Variants in EDNRB observed in about 807,000 individuals in gnomAD.
EDNRB encodes the protein Hirschsprung disease 2.
EDNRB carries 18 observed loss-of-function variants against 46.4 expected under a neutral mutation model. The observed-to-expected ratio is 0.39, with a 90% confidence interval of 0.27 to 0.57. The LOEUF (loss-of-function observed/expected upper bound fraction) is 0.57. EDNRB is among the 20% of genes least tolerant of loss of function. The pLI is 0.61. For synonymous variants in EDNRB, 213 were observed against 204.9 expected, an observed-to-expected ratio of 1.04 and a Z score of -0.34; for missense variants, 434 against 537.5, an observed-to-expected ratio of 0.81 and a Z score of 1.90.
At chr13:77,932,066 GAAGA>G (rs1284358967) in intron 1 of EDNRB, among the ~76,000 whole-genome samples, 1 of 148,212 alleles carries the variant, frequency 6.7e-6, no homozygotes, top group African/African-American at 2.5e-5. Context: ...AAAAAAAAGT[GAAGA>G]AAGAGCCAGT....
Position 77,897,208 on chromosome 13 carries a change from A to G in EDNRB, c.*992T>C. 1.0e-6 allele frequency: 1 copy of G among 985,386 alleles called. No individual in the cohort carries two copies. The highest frequency in any genetic ancestry group is 1.2e-6 in the Non-Finnish European group (1 of 829,968). 61.0% of individuals were successfully genotyped at this position (985,386 alleles called of 1,614,324 possible). On this transcript the variant is annotated 3_prime_UTR_variant, in exon 7 of 7. Transcript: ENST00000646607. The stretch of plus-strand genomic sequence containing the variant: ...GGCATCTCTCCATCGTAAAGCTATG[A>G]GCACAGGGCCTGCCCTCATTTAATC...
At chr13:77,969,269 G>A (rs1293318189) in intron 1 of EDNRB, among the ~76,000 whole-genome samples, 3 of 152,138 alleles carry the variant, frequency 2.0e-5, no homozygotes, top group African/African-American at 7.2e-5. Flanking sequence ...TCTGTAACCA[G>A]GTCTATGGTT....
chr13:77,943,634 C>T (rs148775594), intron 1 of EDNRB, among the ~76,000 whole-genome samples: 190 of 152,090 alleles, frequency 1.2e-3, no homozygotes, highest in African/African-American at 4.4e-3. Context: ...TTATGTCATC[C>T]TCATTTCAGC....
intron 1 of EDNRB, among the ~76,000 whole-genome samples, chr13:77,950,096 A>G (rs1392470887): frequency 6.6e-6 from 1 of 152,206 alleles, no homozygotes; most frequent in Non-Finnish European, 1.5e-5. Context: ...CTTCCACTGT[A>G]CAACACAGAG....
chr13:77,919,468 G>A (rs899465995), upstream of EDNRB: 4 of 1,612,758 alleles, frequency 2.5e-6, no homozygotes, highest in Non-Finnish European at 3.4e-6. Flanking sequence ...AACCCAGCTG[G>A]GTTCCAGCCT....
intron 1 of EDNRB, among the ~76,000 whole-genome samples, chr13:77,966,603 A>G (rs1881588992): frequency 6.6e-6 from 1 of 152,210 alleles, no homozygotes; most frequent in Non-Finnish European, 1.5e-5. Context: ...ATGAAATACC[A>G]ATTTTAAATA....
chr13:77,931,328 G>C (rs1188108386), intron 1 of EDNRB, among the ~76,000 whole-genome samples: 1 of 152,068 alleles, frequency 6.6e-6, no homozygotes, highest in Non-Finnish European at 1.5e-5. Context: ...AAGAAGTCAA[G>C]TATTTTTTTT....
chr13:77,930,941 A>G, intron 1 of EDNRB, among the ~76,000 whole-genome samples: 1 of 152,172 alleles, frequency 6.6e-6, no homozygotes, highest in Non-Finnish European at 1.5e-5. Context: ...CTTATAAGGT[A>G]AAGACCCAAA....
At chr13:77,899,752 C>T (rs533945980) in intron 6 of EDNRB, 107 bp downstream of exon 6, 2 of 836,976 alleles carry the variant, frequency 2.4e-6, no homozygotes, top group African/African-American at 1.7e-5. Flanking sequence ...AAAAGGGAAA[C>T]TATAAGATAA....
chr13:77,913,772 T>A lies in EDNRB; in HGVS notation c.483+4319A>T, dbSNP rs1028223116. 3.9e-5 allele frequency among the ~76,000 whole-genome samples: 6 copies of A among 152,302 alleles called. No homozygotes were observed. The South Asian group carries it at 1.2e-3, about 32-fold the overall frequency. On this transcript the variant is annotated intron_variant, in intron 1 of 6. Coordinates refer to ENST00000646607, the MANE Select transcript of EDNRB (RefSeq NM_001122659.3). ...AACACATTGATAGCATCCCCAAGTA[T>A]ACCCGGCTGTCTTGCTTTTTATCCA...
chr13:77,954,142 CA>C (rs1167369432), intron 1 of EDNRB, among the ~76,000 whole-genome samples: 2 of 152,232 alleles, frequency 1.3e-5, no homozygotes, highest in Admixed American at 1.3e-4. Context: ...TGACATTTAA[CA>C]TGAGCTCTAC....
intron 1 of EDNRB, among the ~76,000 whole-genome samples, chr13:77,912,937 A>G (rs1879643346): frequency 6.6e-6 from 1 of 152,126 alleles, no homozygotes; most frequent in African/African-American, 2.4e-5. Context: ...TTGTGTTGCT[A>G]TATATGCATA....
At chr13:77,919,284 C>A (rs1035722508), upstream of EDNRB, 4 of 1,163,976 alleles carry the variant, frequency 3.4e-6, no homozygotes, top group Non-Finnish European at 4.7e-6. Context: ...AATTTGCCCT[C>A]TCTATAGGCT....
chr13:77,911,044 T>C (rs1486416704), intron 1 of EDNRB, among the ~76,000 whole-genome samples: 1 of 152,076 alleles, frequency 6.6e-6, no homozygotes, highest in Admixed American at 6.6e-5. Flanking sequence ...TACTCTTTTA[T>C]TATCTAAATT....
Position 77,897,532 on chromosome 13 carries a change from T to C in EDNRB, c.*668A>G. The C allele has an allele frequency of 1.0e-6, 1 of 983,248 alleles. No individual in the cohort carries two copies. Among genetic ancestry groups the C allele is most frequent in the Non-Finnish European group, 1.2e-6 (1 of 828,032 alleles). The allele number at this position is 983,248 out of a possible 1,614,324, so 60.9% of individuals were successfully genotyped here. A position where few individuals can be genotyped will look rare whatever the true frequency, so the allele number is the denominator to read the frequency against. On this transcript the variant is annotated 3_prime_UTR_variant, in exon 7 of 7. Transcript: ENST00000646607. ...GTGCCAGTCTGTTACATGCTGCTTG[T>C]TTGTGACATGTTGGTTACATATTGC...
chr13:77,943,507 T>A (rs1184924758), intron 1 of EDNRB, among the ~76,000 whole-genome samples: 1 of 152,132 alleles, frequency 6.6e-6, no homozygotes, highest in African/African-American at 2.4e-5. Flanking sequence ...ATCCCGTAAG[T>A]ACTACTGCTT....
chr13:77,951,647 G>A (rs1426446172), intron 1 of EDNRB, among the ~76,000 whole-genome samples: 1 of 152,128 alleles, frequency 6.6e-6, no homozygotes, highest in African/African-American at 2.4e-5. Context: ...CATAGCCCGT[G>A]GTGTCAAACC....
chr13:77,971,586 T>G (rs1413527752), intron 1 of EDNRB, among the ~76,000 whole-genome samples: 1 of 147,826 alleles, frequency 6.8e-6, no homozygotes, highest in Non-Finnish European at 1.5e-5. Context: ...AACATGAGTT[T>G]TTTTTTTTTT....
In EDNRB at chr13:77,952,445, T is replaced by C. The variant is rs573610083; in HGVS notation, c.-52+22902A>G. The stretch of plus-strand genomic sequence containing the variant: ...TAATAAACATTATTAGTTTGTTCCC[T>C]TAACTGCAAACATCTGGAGGCCAGG... On this transcript the variant is annotated intron_variant, in intron 1 of 7. Coordinates refer to the EDNRB transcript ENST00000646948. Among the ~76,000 whole-genome samples the C allele has an allele frequency of 2.6e-5, 4 of 152,320 alleles. No individual in the cohort carries two copies. In the South Asian group the frequency reaches 8.3e-4, roughly 32 times the overall value.
Sources: gnomAD v4.1 joint callset for allele counts (sites outside exome capture counted in the v4.1 genomes callset) on GRCh38, gnomAD v4.1.1 for gene constraint, MANE v1.5 for transcripts, NCBI Gene and HGNC (gene_info 2026-07-23, HGNC 2026-07-21) for gene names.